The following LRRC37A2 variants were observed in gnomAD, a reference collection of about 807,000 sequenced individuals.
The protein encoded by LRRC37A2 is leucine-rich repeat-containing protein 37A2.
Under a neutral mutation model 68.8 loss-of-function variants are expected in LRRC37A2, and 9 were observed. The observed-to-expected ratio is 0.13, with a 90% confidence interval of 0.08 to 0.23. The LOEUF (loss-of-function observed/expected upper bound fraction) is 0.23. Among genes scored for constraint, LRRC37A2 ranks in the 10% least tolerant of loss-of-function variants. The pLI is 1.00. For missense variants in LRRC37A2, 168 were observed against 950.4 expected (o/e 0.18, Z 10.82); for synonymous variants, 63 against 367.6 (o/e 0.17, Z 9.48).
the LRRC37A2 span, chr17:46,966,482 G>T: frequency 4.5e-6 from 3 of 661,210 alleles, no homozygotes; most frequent in South Asian, 3.4e-5. Context: ...AGGGTAGTTG[G>T]AACTACAGGT....
the LRRC37A2 span, among the ~76,000 whole-genome samples, chr17:46,890,316 C>T: frequency 9.8e-5 from 15 of 152,310 alleles, no homozygotes; most frequent in South Asian, 2.3e-3. Context: ...CTGGAGGGTG[C>T]TTCAGGAGGA....
At chr17:46,960,367 G>A in the LRRC37A2 span, among the ~76,000 whole-genome samples, 254 of 152,268 alleles carry the variant, frequency 1.7e-3, 1 homozygote, top group African/African-American at 5.8e-3. Flanking sequence ...TGCTGACGAG[G>A]ACATAGAGCA....
the LRRC37A2 span, among the ~76,000 whole-genome samples, chr17:46,791,371 A>G: frequency 6.6e-6 from 1 of 151,816 alleles, no homozygotes; most frequent in African/African-American, 2.4e-5. Flanking sequence ...ACCTGGCTAA[A>G]TTTTTTTGTA....
At chr17:46,943,495 A>G in the LRRC37A2 span, among the ~76,000 whole-genome samples, 3 of 152,110 alleles carry the variant, frequency 2.0e-5, no homozygotes, top group South Asian at 6.2e-4. Flanking sequence ...ACACCCCCAC[A>G]ATCCCATGAA....
the LRRC37A2 span, chr17:46,769,640 G>A: frequency 2.8e-6 from 3 of 1,082,590 alleles, no homozygotes; most frequent in Non-Finnish European, 4.0e-6. Context: ...TGTGGGGTGG[G>A]GAGGAGGCCA....
the LRRC37A2 span, chr17:46,872,718 C>A: frequency 6.2e-7 from 1 of 1,613,178 alleles, no homozygotes; most frequent in Non-Finnish European, 8.5e-7. Flanking sequence ...AGTTTCAGTT[C>A]CGGCATGAGC....
chr17:46,804,697 A>C, the LRRC37A2 span, among the ~76,000 whole-genome samples: 1 of 152,244 alleles, frequency 6.6e-6, no homozygotes, highest in African/African-American at 2.4e-5. Context: ...ATGAGAGATG[A>C]GGCCAGCCGG....
the LRRC37A2 span, among the ~76,000 whole-genome samples, chr17:46,845,528 C>T: frequency 7.3e-6 from 1 of 136,314 alleles, no homozygotes; most frequent in Non-Finnish European, 1.5e-5. Flanking sequence ...CTTGCTCTGT[C>T]ACCCTGGCCA....
the LRRC37A2 span, among the ~76,000 whole-genome samples, chr17:46,782,753 T>C: frequency 6.6e-6 from 1 of 152,340 alleles, no homozygotes; most frequent in Non-Finnish European, 1.5e-5. Flanking sequence ...AGGCCTGGAC[T>C]GGAGCCGCTC....
chr17:46,776,208 C>T, the LRRC37A2 span, among the ~76,000 whole-genome samples: 7,228 of 152,248 alleles, frequency 0.047, 567 homozygotes, highest in African/African-American at 0.16. Context: ...CCTGGGTCTT[C>T]ATGGGGTGAA....
the LRRC37A2 span, among the ~76,000 whole-genome samples, chr17:46,748,736 T>C: frequency 6.6e-6 from 1 of 152,218 alleles, no homozygotes; most frequent in Admixed American, 6.5e-5. Context: ...CTTTAAACTA[T>C]GTAATGTGTT....
At chr17:46,994,948 C>A in the LRRC37A2 span, among the ~76,000 whole-genome samples, 18 of 152,156 alleles carry the variant, frequency 1.2e-4, no homozygotes, top group Non-Finnish European at 2.5e-4. Context: ...ATGGTGAAAC[C>A]TCGTCTCTAC....
At chr17:46,691,634 G>A in the LRRC37A2 span, among the ~76,000 whole-genome samples, 21,356 of 151,108 alleles carry the variant, frequency 0.14, 3,212 homozygotes, top group East Asian at 0.6. Flanking sequence ...TATCCTTATC[G>A]GAGATTTAAT....
At chr17:46,543,637 CTCAAATGG>C (rs1466342321) in intron 8 of LRRC37A2, among the ~76,000 whole-genome samples, 1 of 150,804 alleles carries the variant, frequency 6.6e-6, no homozygotes, top group Non-Finnish European at 1.5e-5. Context: ...GCAACTGACT[CTCAAATGG>C]TTTTGTCCAG....
At chr17:46,937,929 G>A in the LRRC37A2 span, 1 of 155,214 alleles carries the variant, frequency 6.4e-6, no homozygotes, top group Non-Finnish European at 1.4e-5. Flanking sequence ...GTGCAGTGGT[G>A]TGATCTTGGC....
At chr17:46,839,981 CTTTCTT>C in the LRRC37A2 span, among the ~76,000 whole-genome samples, 3 of 113,326 alleles carry the variant, frequency 2.6e-5, no homozygotes, top group Non-Finnish European at 3.7e-5. Context: ...TCTTTCTCTT[CTTTCTT>C]TCTTTTTTCT....
chr17:46,541,201 G>T (rs1418425898), intron 8 of LRRC37A2, among the ~76,000 whole-genome samples: 4 of 147,576 alleles, frequency 2.7e-5, no homozygotes, highest in Non-Finnish European at 5.9e-5. Flanking sequence ...TCTTATAAAT[G>T]AAATCATATA....
chr17:46,476,599 G>A, the LRRC37A2 span, among the ~76,000 whole-genome samples: 1,644 of 104,526 alleles, frequency 0.016, 47 homozygotes, highest in Middle Eastern at 0.067. Context: ...TAGGAGAATC[G>A]CCTGAATCCA....
the LRRC37A2 span, among the ~76,000 whole-genome samples, chr17:46,944,601 T>C: frequency 7.3e-6 from 1 of 136,194 alleles, no homozygotes; most frequent in African/African-American, 2.6e-5. Flanking sequence ...CTTCAGAATT[T>C]TTAATTTTCT....
Sources: allele counts gnomAD v4.1 joint callset (sites outside exome capture counted in the v4.1 genomes callset), GRCh38; gene constraint gnomAD v4.1.1; transcripts MANE v1.5; gene names NCBI Gene and HGNC (gene_info 2026-07-23, HGNC 2026-07-21).